CES2: variants seen among roughly 807,000 people sequenced by gnomAD.
The protein encoded by CES2 is cocaine esterase.
A neutral mutation model predicts 52.1 loss-of-function variants in CES2; 42 were observed. The observed-to-expected ratio is 0.81, with a 90% CI of 0.63 to 1.04. CES2 has a LOEUF of 1.04. Among genes scored for constraint, CES2 ranks in the 50% least tolerant of loss-of-function variants. CES2 has a pLI of 0.00. For missense variants in CES2, 656 were observed against 724.3 expected, an observed-to-expected ratio of 0.91 and a Z score of 1.08; for synonymous variants, 277 against 289.6, an observed-to-expected ratio of 0.96 and a Z score of 0.44.
chr16:66,943,381 C>G lies in CES2; in HGVS notation c.1493+10C>G, dbSNP rs772492415. ...ACTTTGCGAGAAATGGGTGAGACAG[C>G]ACACCCCTGCCTCAACCTCCCCGAT... On this transcript the variant is annotated intron_variant, in intron 11 of 11. Transcript: ENST00000317091. This position sits in a 1 kb window ranked among gnomAD's most constrained non-coding sequence, Gnocchi z 4.2. The G allele has an allele frequency of 1.1e-5, 17 of 1,613,804 alleles. No homozygotes were observed. The South Asian group carries it at 1.6e-4, about 16-fold the overall frequency.
rs533234667 is a variant in CES2 at position 66,943,680 on chromosome 16, G to A, written c.1494-159G>A. The stretch of plus-strand genomic sequence containing the variant: ...CCCACTGGTGCTGACACTAGCCAGA[G>A]GGAGCTTATTTCCTGTTTCTGGAAG... On this transcript the variant is annotated intron_variant, in intron 11 of 11. Transcript: ENST00000317091. This position sits in a 1 kb window ranked among gnomAD's most constrained non-coding sequence, Gnocchi z 4.2. 1 of 611,272 alleles carries A rather than the reference G, an allele frequency of 1.6e-6. No homozygotes were observed. Among genetic ancestry groups the A allele is most frequent in the African/African-American group, 1.9e-5 (1 of 54,030 alleles). 37.9% of individuals were successfully genotyped at this position (611,272 alleles called of 1,614,324 possible). A position where few individuals can be genotyped will look rare whatever the true frequency, so the allele number is the denominator to read the frequency against.
At chr16:66,935,910 G>T (rs1029165841) in intron 1 of CES2, 199 bp downstream of exon 1, 2 of 1,448,386 alleles carry the variant, frequency 1.4e-6, no homozygotes, top group Admixed American at 2.6e-5. Flanking sequence ...GGTCGGGCTG[G>T]GGGACACCAC....
At position 66,944,044 on chromosome 16, in the gene CES2, A is replaced by C; in HGVS notation, c.*19A>C. ...GCTGTAGCTCCCTGTGCCGGGGAGG[A>C]GGGGGTGGGTTCGCTGACAGGCGAG... On this transcript the variant is annotated 3_prime_UTR_variant, in exon 12 of 12. Coordinates refer to ENST00000317091, the MANE Select transcript of CES2 (RefSeq NM_001365405.1). The C allele has an allele frequency of 1.1e-4, 67 of 611,656 alleles. No homozygotes were observed. The highest frequency in any genetic ancestry group is 1.6e-4 in the Non-Finnish European group (60 of 373,962). 37.9% of individuals were successfully genotyped at this position (611,656 alleles called of 1,614,324 possible).
chr16:66,943,215 G>T lies in CES2; in HGVS notation c.1421-84G>T. ...CGGAGAAGCAGGACTGGGGACCGAGGTCTCGGGGGCCAAGGACGAGCTCCA... is the reference window on the plus strand; with the variant it reads ...CGGAGAAGCAGGACTGGGGACCGAGTTCTCGGGGGCCAAGGACGAGCTCCA... On this transcript the variant is annotated intron_variant, in intron 10 of 11. Transcript: ENST00000317091. The surrounding 1 kb of genome is among the most constrained non-coding windows in gnomAD (Gnocchi z 4.2). 1 of 1,420,934 alleles carries T rather than the reference G, an allele frequency of 7.0e-7. No homozygotes were observed. Among genetic ancestry groups the T allele is most frequent in the Non-Finnish European group, 9.8e-7 (1 of 1,019,266 alleles). 88.0% of individuals were successfully genotyped at this position (1,420,934 alleles called of 1,614,324 possible).
rs759906968 is a variant in CES2, at chr16:66,941,565, G to A, written c.975G>A (p.Glu325=). ...DGVFLPRHPQ[E]LLASADFQPV... ...TCTTCCTGCCCAGGCACCCCCAGGA[G>A]CTGCTGGCCTCTGCCGACTTTCAGC... The change falls in exon 7 of 12, where the codon GAG becomes GAA. Residue 325 remains glutamate, a synonymous_variant. Transcript: ENST00000317091. 2.5e-6 allele frequency: 4 copies of A among 1,614,178 alleles called. 1 individual carries two copies. In the South Asian group the frequency reaches 3.3e-5, roughly 13 times the overall value.
At position 66,943,400 on chromosome 16, in the gene CES2, C is replaced by G. The variant is rs1166850483; in HGVS notation, c.1493+29C>G. The G allele has an allele frequency of 6.2e-7, 1 of 1,612,736 alleles. No homozygotes were observed. The highest frequency in any genetic ancestry group is 1.3e-5 in the African/African-American group (1 of 74,896). The stretch of plus-strand genomic sequence containing the variant: ...AGACAGCACACCCCTGCCTCAACCT[C>G]CCCGATTGGGGGACTTGTGCCCATC... On this transcript the variant is annotated intron_variant, in intron 11 of 11. Transcript: ENST00000317091. The surrounding 1 kb of genome is among the most constrained non-coding windows in gnomAD (Gnocchi z 4.2).
chr16:66,940,602 C>A lies in CES2; in HGVS notation c.723C>A (p.Pro241=). 1 of 1,614,246 alleles carries A rather than the reference C, an allele frequency of 6.2e-7. No individual in the cohort carries two copies. Among genetic ancestry groups the A allele is most frequent in the Non-Finnish European group, 8.5e-7 (1 of 1,180,042 alleles). ...GTGTGTCTTCGCTTGTTGTGTCCCC[C>A]ATATCCCAAGGACTCTTCCACGGAG... is the stretch of plus-strand genomic sequence containing the variant. The part of the protein sequence containing the change: ...GTSVSSLVVS[P]ISQGLFHGAI... The change falls in exon 5 of 12, where the codon CCC becomes CCA. Residue 241 remains proline, a synonymous_variant. Transcript: ENST00000317091.
rs755778606 is a variant in CES2, at chr16:66,942,104, G to A, written c.1138-1G>A. The A allele has an allele frequency of 6.2e-7, 1 of 1,604,550 alleles. No homozygotes were observed. The highest frequency in any genetic ancestry group is 1.7e-5 in the Admixed American group (1 of 59,638). On this transcript the variant is annotated splice_acceptor_variant, in intron 8 of 11. Coordinates refer to ENST00000317091, the MANE Select transcript of CES2 (RefSeq NM_001365405.1). LOFTEE classifies it high-confidence loss of function. ...GCCTCTTCCTGATCCACCTGGGGTAGATGTTGCCTCCTACATTTGGTGACC... is the reference window on the plus strand; with the variant it reads ...GCCTCTTCCTGATCCACCTGGGGTAAATGTTGCCTCCTACATTTGGTGACC...
At chr16:66,938,663 C>T (rs558476654) in intron 2 of CES2, among the ~76,000 whole-genome samples, 1 of 152,292 alleles carries the variant, frequency 6.6e-6, no homozygotes, top group South Asian at 2.1e-4. Context: ...TTTCTGGGGA[C>T]CTGCACTCTC....
chr16:66,941,538 G>T lies in CES2; in HGVS notation c.948G>T (p.Gly316=). The change falls in exon 7 of 12, where the codon GGG becomes GGT. Residue 316 remains glycine, a synonymous_variant. Transcript: ENST00000317091. ...PFKMIPGVVD[G]VFLPRHPQEL... Reference sequence around the variant, plus strand: ...AGATGATCCCCGGAGTGGTGGATGGGGTCTTCCTGCCCAGGCACCCCCAGG... The same window carrying T: ...AGATGATCCCCGGAGTGGTGGATGGTGTCTTCCTGCCCAGGCACCCCCAGG... 1 of 1,614,104 alleles carries T rather than the reference G, an allele frequency of 6.2e-7. No individual in the cohort carries two copies. The highest frequency in any genetic ancestry group is 8.5e-7 in the Non-Finnish European group (1 of 1,179,988).
In CES2 at chr16:66,943,680, G is replaced by C. The variant is rs533234667; in HGVS notation, c.1494-159G>C. Reference sequence around the variant, plus strand: ...CCCACTGGTGCTGACACTAGCCAGAGGGAGCTTATTTCCTGTTTCTGGAAG... The same window carrying C: ...CCCACTGGTGCTGACACTAGCCAGACGGAGCTTATTTCCTGTTTCTGGAAG... On this transcript the variant is annotated intron_variant, in intron 11 of 11. Coordinates refer to ENST00000317091, the MANE Select transcript of CES2 (RefSeq NM_001365405.1). The surrounding 1 kb of genome is among the most constrained non-coding windows in gnomAD (Gnocchi z 4.2). 3 of 611,154 alleles carry C rather than the reference G, an allele frequency of 4.9e-6. No individual in the cohort carries two copies. The highest frequency in any genetic ancestry group is 8.5e-6 in the Non-Finnish European group (3 of 351,030). 37.9% of individuals were successfully genotyped at this position (611,154 alleles called of 1,614,324 possible).
At chr16:66,934,971 T>C (rs1014753218), upstream of CES2, 1 of 160,230 alleles carries the variant, frequency 6.2e-6, no homozygotes, top group African/African-American at 2.4e-5. This position sits in a 1 kb window ranked among gnomAD's most constrained non-coding sequence, Gnocchi z 4.1. Flanking sequence ...AGTGCCGCGG[T>C]CACGTGTACG....
chr16:66,940,753 GC>G, intron 5 of CES2, 58 bp downstream of exon 5: 14 of 1,573,160 alleles, frequency 8.9e-6, no homozygotes, highest in African/African-American at 1.3e-5. Flanking sequence ...ATCCCTCAGA[GC>G]CTCTGTCTGT....
chr16:66,942,608 G>C (rs773330423), intron 9 of CES2, 40 bp from the exon 10 acceptor site: 35 of 1,611,078 alleles, frequency 2.2e-5, no homozygotes, highest in Non-Finnish European at 2.7e-5. Flanking sequence ...GAAGTCTTCA[G>C]GGGGAGGGGC....
Position 66,940,532 on chromosome 16 carries a change from A to G in CES2, c.653A>G (p.Asn218Ser), listed in dbSNP as rs753414364. ...VQQNIAHFGG[N>S]PDRVTIFGES... ...CAGAATATCGCCCACTTTGGAGGCA[A>G]CCCTGACCGTGTCACCATTTTTGGC... Residue 218 changes from asparagine to serine, a missense_variant, in exon 5 of 12, where the codon AAC (asparagine) becomes AGC (serine). Coordinates refer to ENST00000317091, the MANE Select transcript of CES2 (RefSeq NM_001365405.1). 5 of 1,614,086 alleles carry G rather than the reference A, an allele frequency of 3.1e-6. No homozygotes were observed. Among genetic ancestry groups the G allele is most frequent in the Admixed American group, 3.3e-5 (2 of 60,006 alleles).
rs749857196 is a variant in CES2 at position 66,940,421 on chromosome 16, C to G, written c.558-16C>G. The G allele has an allele frequency of 6.2e-7, 1 of 1,614,012 alleles. No individual in the cohort carries two copies. Among genetic ancestry groups the G allele is most frequent in the Non-Finnish European group, 8.5e-7 (1 of 1,179,888 alleles). ...GCCAGGACAGCCCTGTGATCCCTGTCCCTGCTACTTCTCAGCACTGGAGAC... is the reference window on the plus strand; with the variant it reads ...GCCAGGACAGCCCTGTGATCCCTGTGCCTGCTACTTCTCAGCACTGGAGAC... On this transcript the variant is annotated splice_polypyrimidine_tract_variant and intron_variant, in intron 4 of 11. Transcript: ENST00000317091.
intron 9 of CES2, 46 bp from the exon 10 acceptor site, chr16:66,942,602 T>G (rs774143956): frequency 1.9e-6 from 3 of 1,608,890 alleles, no homozygotes. Context: ...AGGCAAGAAG[T>G]CTTCAGGGGG....
In CES2 at chr16:66,943,429, T is replaced by C. The variant is rs1963410972; in HGVS notation, c.1493+58T>C. The C allele has an allele frequency of 6.3e-7, 1 of 1,580,630 alleles. No individual in the cohort carries two copies. Among genetic ancestry groups the C allele is most frequent in the Non-Finnish European group, 8.7e-7 (1 of 1,150,536 alleles). ...GATTGGGGGACTTGTGCCCATCCAG[T>C]GCTCTCCTAGTCTGGGGTGACCTCA... On this transcript the variant is annotated intron_variant, in intron 11 of 11. Transcript: ENST00000317091. The surrounding 1 kb of genome is among the most constrained non-coding windows in gnomAD (Gnocchi z 4.2).
rs766980611 is a variant in CES2, at chr16:66,942,092, C to A, written c.1138-13C>A. On this transcript the variant is annotated splice_polypyrimidine_tract_variant and intron_variant, in intron 8 of 11. Coordinates refer to ENST00000317091, the MANE Select transcript of CES2 (RefSeq NM_001365405.1). ...CCAGTCTAACCTGCCTCTTCCTGATCCACCTGGGGTAGATGTTGCCTCCTA... is the reference window on the plus strand; with the variant it reads ...CCAGTCTAACCTGCCTCTTCCTGATACACCTGGGGTAGATGTTGCCTCCTA... The A allele has an allele frequency of 6.3e-7, 1 of 1,595,028 alleles. No individual in the cohort carries two copies. Among genetic ancestry groups the A allele is most frequent in the Non-Finnish European group, 8.6e-7 (1 of 1,166,688 alleles).
Sources: gnomAD v4.1 joint callset for allele counts (sites outside exome capture counted in the v4.1 genomes callset) on GRCh38, gnomAD v4.1.1 for gene constraint, Gnocchi (gnomAD v3.1) non-coding constraint, MANE v1.5 for transcripts, NCBI Gene and HGNC (gene_info 2026-07-23, HGNC 2026-07-21) for gene names.